Variants in NEGR1 observed in about 807,000 individuals in gnomAD.
NEGR1 encodes the protein neuronal growth regulator 1.
NEGR1 carries 10 observed loss-of-function variants against 40.9 expected under a neutral mutation model. That is an observed-to-expected ratio of 0.24 (90% CI 0.15 to 0.42). NEGR1 has a LOEUF of 0.42. Among genes scored for constraint, NEGR1 ranks in the 10% least tolerant of loss-of-function variants. NEGR1 has a pLI of 1.00. For synonymous variants in NEGR1, 185 were observed against 166.8 expected, an observed-to-expected ratio of 1.11 and a Z score of -0.84; for missense variants, 352 against 438.9, an observed-to-expected ratio of 0.80 and a Z score of 1.77.
intron 6 of NEGR1, among the ~76,000 whole-genome samples, chr1:71,508,576 T>C (rs1647051355): frequency 6.6e-6 from 1 of 152,188 alleles, no homozygotes; most frequent in Non-Finnish European, 1.5e-5. Flanking sequence ...TTTAATGCCT[T>C]CCAGGTCTTA....
intron 1 of NEGR1, among the ~76,000 whole-genome samples, chr1:72,196,809 A>G (rs1653018206): frequency 6.6e-6 from 1 of 151,824 alleles, no homozygotes; most frequent in African/African-American, 2.4e-5. Context: ...CTTACATGTA[A>G]CTACAATAAA....
Position 72,140,554 on chromosome 1 carries a change from T to C in NEGR1, c.176+141765A>G, listed in dbSNP as rs189202879. 1.4e-4 allele frequency among the ~76,000 whole-genome samples: 21 copies of C among 152,186 alleles called. No homozygotes were observed. In the East Asian group the frequency reaches 3.9e-3, roughly 28 times the overall value. On this transcript the variant is annotated intron_variant, in intron 1 of 6. Coordinates refer to ENST00000357731, the MANE Select transcript of NEGR1 (RefSeq NM_173808.3). ...ATGACCTAATCACCTCTTAAGGGTC[T>C]CACTTCTTAACGCTGTCACAGTGAC...
At chr1:71,973,289 C>T (rs1646273658) in intron 1 of NEGR1, among the ~76,000 whole-genome samples, 2 of 149,488 alleles carry the variant, frequency 1.3e-5, no homozygotes, top group Non-Finnish European at 3.0e-5. Flanking sequence ...GCACTCCAGC[C>T]TGGGCGACAG....
At chr1:71,634,356 T>C (rs760151184) in intron 4 of NEGR1, among the ~76,000 whole-genome samples, 1 of 152,112 alleles carries the variant, frequency 6.6e-6, no homozygotes, top group African/African-American at 2.4e-5. Flanking sequence ...AGGCCAACCA[T>C]GGCCAAATGC....
chr1:72,245,616 C>T (rs1654877774), intron 1 of NEGR1, among the ~76,000 whole-genome samples: 1 of 151,962 alleles, frequency 6.6e-6, no homozygotes, highest in Admixed American at 6.6e-5. Flanking sequence ...ATATTTTTGG[C>T]TGTAAGAAAA....
At chr1:71,750,674 C>T (rs1297522484) in intron 3 of NEGR1, among the ~76,000 whole-genome samples, 1 of 152,116 alleles carries the variant, frequency 6.6e-6, no homozygotes, top group African/African-American at 2.4e-5. Context: ...AATTACCTCC[C>T]ACTGGGTCCC....
chr1:71,457,171 C>G lies in NEGR1; in HGVS notation c.941-49601G>C, dbSNP rs565176797. On this transcript the variant is annotated intron_variant, in intron 6 of 6. Coordinates refer to ENST00000357731, the MANE Select transcript of NEGR1 (RefSeq NM_173808.3). ...CCTTTGTCTACCACATTCTCCACCCCACCCCACCAGTGATTCCACTCTCAT... is the reference window on the plus strand; with the variant it reads ...CCTTTGTCTACCACATTCTCCACCCGACCCCACCAGTGATTCCACTCTCAT... 1.4e-4 allele frequency among the ~76,000 whole-genome samples: 22 copies of G among 152,268 alleles called. No homozygotes were observed. The South Asian group carries it at 4.4e-3, about 30-fold the overall frequency.
intron 1 of NEGR1, among the ~76,000 whole-genome samples, chr1:72,060,000 A>G (rs1647151423): frequency 6.6e-6 from 1 of 151,742 alleles, no homozygotes; most frequent in Non-Finnish European, 1.5e-5. Context: ...CATGATTTAG[A>G]TGGAAACTCA....
intron 1 of NEGR1, among the ~76,000 whole-genome samples, chr1:71,974,595 T>C (rs1646285845): frequency 6.6e-6 from 1 of 152,196 alleles, no homozygotes; most frequent in African/African-American, 2.4e-5. Flanking sequence ...TGGTATATCC[T>C]AATCTGCTAG....
intron 6 of NEGR1, among the ~76,000 whole-genome samples, chr1:71,441,732 C>G (rs1305614301): frequency 6.6e-6 from 1 of 151,906 alleles, no homozygotes; most frequent in Non-Finnish European, 1.5e-5. Context: ...CCTGCTAAGC[C>G]CAACTTGGTT....
intron 1 of NEGR1, among the ~76,000 whole-genome samples, chr1:72,264,579 A>G: frequency 6.6e-6 from 1 of 150,888 alleles, no homozygotes; most frequent in African/African-American, 2.4e-5. Flanking sequence ...TTCTTTGTTG[A>G]TATCTTATGC....
chr1:72,052,621 G>A (rs950372026), intron 1 of NEGR1, among the ~76,000 whole-genome samples: 1 of 151,336 alleles, frequency 6.6e-6, no homozygotes, highest in African/African-American at 2.4e-5. Context: ...ATTCAAGCAG[G>A]TGTCTTATCA....
chr1:71,838,976 A>T (rs1659138802), intron 2 of NEGR1, among the ~76,000 whole-genome samples: 1 of 152,112 alleles, frequency 6.6e-6, no homozygotes, highest in African/African-American at 2.4e-5. Context: ...TTTTTAAAAC[A>T]GGAATGAACT....
intron 1 of NEGR1, among the ~76,000 whole-genome samples, chr1:72,091,208 A>C (rs531963787): frequency 6.6e-6 from 1 of 152,292 alleles, no homozygotes; most frequent in South Asian, 2.1e-4. Context: ...TCAGTGTTTG[A>C]AATGATATGC....
chr1:72,146,437 G>A (rs763899609), intron 1 of NEGR1, among the ~76,000 whole-genome samples: 1 of 152,108 alleles, frequency 6.6e-6, no homozygotes, highest in African/African-American at 2.4e-5. Context: ...TTTCTTCTCC[G>A]TAGCTTGTAA....
At chr1:71,982,870 C>A (rs1646365379) in intron 1 of NEGR1, among the ~76,000 whole-genome samples, 1 of 151,914 alleles carries the variant, frequency 6.6e-6, no homozygotes, top group South Asian at 2.1e-4. Context: ...GCTAAACATG[C>A]AAAAAGAAGA....
intron 6 of NEGR1, among the ~76,000 whole-genome samples, chr1:71,447,087 G>T (rs1004696852): frequency 1.3e-5 from 2 of 152,200 alleles, no homozygotes; most frequent in Non-Finnish European, 2.9e-5. Flanking sequence ...ACAGCAGGAG[G>T]TGAGCAGCAG....
chr1:71,416,179 G>A (rs114708552), intron 6 of NEGR1, among the ~76,000 whole-genome samples: 2,564 of 152,258 alleles, frequency 0.017, 30 homozygotes, highest in Non-Finnish European at 0.025. Flanking sequence ...ATTGCAAACC[G>A]AAAACATTTT....
At position 71,792,371 on chromosome 1, in the gene NEGR1, T is replaced by C. The variant is rs541626460; in HGVS notation, c.410-16074A>G. ...AGTGTATGCATCCAGATTGATGTGT[T>C]AGTATAAATAGATGGAAATATGTTT... On this transcript the variant is annotated intron_variant, in intron 2 of 6. Transcript: ENST00000357731. Among the ~76,000 whole-genome samples, 28 of 152,276 alleles carry C rather than the reference T, an allele frequency of 1.8e-4. No homozygotes were observed. The South Asian group carries it at 4.3e-3, about 24-fold the overall frequency.
Sources: gnomAD v4.1 joint callset for allele counts (sites outside exome capture counted in the v4.1 genomes callset) on GRCh38, gnomAD v4.1.1 for gene constraint, MANE v1.5 for transcripts, NCBI Gene and HGNC (gene_info 2026-07-23, HGNC 2026-07-21) for gene names.